Variants in RUNX1 observed in about 807,000 individuals in gnomAD.
The protein encoded by RUNX1 is runt-related transcription factor 1.
A neutral mutation model predicts 42.8 loss-of-function variants in RUNX1; 19 were observed. The ratio of observed to expected loss-of-function variants is 0.44; its 90% CI spans 0.31 to 0.65. The LOEUF is 0.65. RUNX1 is among the 30% of genes least tolerant of loss of function. RUNX1 has a pLI of 0.07. For missense variants in RUNX1, 528 were observed against 672.0 expected (o/e 0.79, Z 2.37); for synonymous variants, 271 against 289.4 (o/e 0.94, Z 0.64).
intron 2 of RUNX1, among the ~76,000 whole-genome samples, chr21:35,041,868 C>A (rs529252985): frequency 9.9e-5 from 15 of 152,206 alleles, no homozygotes; most frequent in Admixed American, 2.6e-4. Context: ...ATAAAAACCT[C>A]TTTAGGGAAA....
intron 7 of RUNX1, among the ~76,000 whole-genome samples, chr21:34,827,514 A>G (rs2057004951): frequency 6.6e-6 from 1 of 152,244 alleles, no homozygotes; most frequent in African/African-American, 2.4e-5. Flanking sequence ...CTGTTCATCA[A>G]AACAATGGGA....
At chr21:34,856,271 C>T (rs1455133420) in intron 6 of RUNX1, 6 of 479,464 alleles carry the variant, frequency 1.3e-5, no homozygotes, top group Admixed American at 9.0e-5. Context: ...CAGATAACTG[C>T]TTTATTTAGT....
At chr21:34,903,883 T>A (rs2058196885) in intron 2 of RUNX1, among the ~76,000 whole-genome samples, 1 of 152,128 alleles carries the variant, frequency 6.6e-6, no homozygotes, top group Non-Finnish European at 1.5e-5. Context: ...AAAAAATAGC[T>A]GGAAAAAGCA....
At chr21:34,916,353 G>A (rs909078394) in intron 2 of RUNX1, among the ~76,000 whole-genome samples, 17 of 152,184 alleles carry the variant, frequency 1.1e-4, no homozygotes, top group Non-Finnish European at 2.2e-4. Flanking sequence ...CATAATATGG[G>A]CCCTTCCCGT....
chr21:35,044,604 CA>C (rs1347601124), intron 2 of RUNX1, among the ~76,000 whole-genome samples: 1 of 152,188 alleles, frequency 6.6e-6, no homozygotes, highest in African/African-American at 2.4e-5. Context: ...ATCACTGTGT[CA>C]TCTGAGCACA....
chr21:34,922,708 C>A (rs2058363029), intron 2 of RUNX1, among the ~76,000 whole-genome samples: 1 of 152,142 alleles, frequency 6.6e-6, no homozygotes, highest in Non-Finnish European at 1.5e-5. Context: ...TGGGGAAGCC[C>A]CCTGTTCCCT....
intron 2 of RUNX1, among the ~76,000 whole-genome samples, chr21:34,913,207 T>C (rs2058285794): frequency 6.6e-6 from 1 of 152,078 alleles, no homozygotes; most frequent in Non-Finnish European, 1.5e-5. Flanking sequence ...CACTTTAGCC[T>C]GGGCAGCAGA....
At chr21:34,798,942 G>A (rs1449375044) in intron 8 of RUNX1, among the ~76,000 whole-genome samples, 1 of 152,068 alleles carries the variant, frequency 6.6e-6, no homozygotes, top group African/African-American at 2.4e-5. Flanking sequence ...TACCACCACC[G>A]CATGGACCAG....
rs534679796 is a variant in RUNX1, at chr21:35,040,786, A to C, written c.58+8056T>G. Among the ~76,000 whole-genome samples the C allele has an allele frequency of 9.7e-4, 147 of 151,318 alleles. 3 individuals carry two copies. In the East Asian group the frequency reaches 0.026, roughly 27 times the overall value. On this transcript the variant is annotated intron_variant, in intron 2 of 8. Transcript: ENST00000675419. The stretch of plus-strand genomic sequence containing the variant: ...AGACTCCATCCAAAAAAAAAAAAAA[A>C]AAAAAAAACCAACAACAAAAACTCA...
In RUNX1 at chr21:34,788,829, T is replaced by A. The variant is rs890702940; in HGVS notation, c.*3306A>T. ...TGTGAGATTATTGTCAAACAAATTT[T>A]CATGTATAAAAGACCCAAACATGTC... On this transcript the variant is annotated 3_prime_UTR_variant, in exon 9 of 9. Coordinates refer to ENST00000675419, the MANE Select transcript of RUNX1 (RefSeq NM_001754.5). 8.6e-6 allele frequency: 2 copies of A among 233,386 alleles called. No homozygotes were observed. The highest frequency in any genetic ancestry group is 4.4e-5 in the African/African-American group (2 of 45,336). The allele number at this position is 233,386 out of a possible 1,614,324, so 14.5% of individuals were successfully genotyped here.
chr21:34,859,451 C>T (rs1033328763), intron 6 of RUNX1, 23 bp downstream of exon 6: 59 of 1,518,852 alleles, frequency 3.9e-5, no homozygotes, highest in Non-Finnish European at 4.9e-5. Context: ...GAGGGTGTAC[C>T]AGCCCCAAGT....
chr21:34,960,820 C>A (rs1232320021), intron 2 of RUNX1, among the ~76,000 whole-genome samples: 2 of 152,150 alleles, frequency 1.3e-5, no homozygotes, highest in African/African-American at 4.8e-5. Context: ...GAAGGGAAAG[C>A]TGCCTGAAGA....
chr21:34,940,356 G>A (rs8130590), intron 2 of RUNX1, among the ~76,000 whole-genome samples: 1,740 of 152,268 alleles, frequency 0.011, 40 homozygotes, highest in African/African-American at 0.039. Flanking sequence ...TAATGTCCCA[G>A]TTAAAAGTGT....
chr21:34,868,249 G>A (rs181075756), intron 5 of RUNX1, among the ~76,000 whole-genome samples: 191 of 152,216 alleles, frequency 1.3e-3, no homozygotes, highest in African/African-American at 4.3e-3. Context: ...CATGCCTGGC[G>A]CTGCTTGAAA....
chr21:34,930,270 G>GTGTATATATATATA (rs372412304), intron 2 of RUNX1, among the ~76,000 whole-genome samples: 74 of 122,878 alleles, frequency 6.0e-4, no homozygotes, highest in African/African-American at 7.5e-4. Context: ...GTGTGTGTAT[G>GTGTATATATATATA]TATATATATA....
At chr21:34,857,028 C>CAGCA (rs2057503623) in intron 6 of RUNX1, among the ~76,000 whole-genome samples, 1 of 152,184 alleles carries the variant, frequency 6.6e-6, no homozygotes. Flanking sequence ...ATAGAAAAGT[C>CAGCA]AGCATTACCC....
intron 2 of RUNX1, among the ~76,000 whole-genome samples, chr21:34,914,739 T>C (rs1415280903): frequency 6.6e-6 from 1 of 152,206 alleles, no homozygotes; most frequent in Non-Finnish European, 1.5e-5. Context: ...GGTGAGAGAA[T>C]TCAGCATTGG....
At chr21:34,947,475 T>C (rs1218727413) in intron 2 of RUNX1, among the ~76,000 whole-genome samples, 1 of 152,250 alleles carries the variant, frequency 6.6e-6, no homozygotes, top group Admixed American at 6.5e-5. Context: ...TTATTATTTA[T>C]AGAAATACAT....
intron 4 of RUNX1, among the ~76,000 whole-genome samples, chr21:34,883,253 T>G (rs1369476954): frequency 6.6e-6 from 1 of 152,200 alleles, no homozygotes; most frequent in Admixed American, 6.5e-5. Flanking sequence ...CTCTTTTTTT[T>G]TAAATGCAGC....
Sources: gnomAD v4.1 joint callset for allele counts (sites outside exome capture counted in the v4.1 genomes callset) on GRCh38, gnomAD v4.1.1 for gene constraint, MANE v1.5 for transcripts, NCBI Gene and HGNC (gene_info 2026-07-23, HGNC 2026-07-21) for gene names.